Variants in S100Z observed in about 807,000 individuals in gnomAD.
S100Z encodes protein S100-Z.
In S100Z, 11 loss-of-function variants were observed where a neutral mutation model predicts 8.5. The ratio of observed to expected loss-of-function variants is 1.30; its 90% confidence interval spans 0.82 to 2.15. The LOEUF (loss-of-function observed/expected upper bound fraction) is 2.15, where lower values mean the gene tolerates loss of function less well. S100Z is among the 30% of genes most tolerant of loss of function. The pLI, the probability that S100Z is intolerant of heterozygous loss-of-function variation, is 0.00. For missense variants in S100Z, 126 were observed against 117.9 expected, an observed-to-expected ratio of 1.07 and a Z score of -0.32; for synonymous variants, 34 against 43.8, an observed-to-expected ratio of 0.78 and a Z score of 0.89.
intron 4 of S100Z, among the ~76,000 whole-genome samples, chr5:76,891,108 C>T (rs368706436): frequency 3.8e-4 from 58 of 152,262 alleles, no homozygotes; most frequent in African/African-American, 1.3e-3. Context: ...GTGATCTGCC[C>T]GCCTTGGGCT....
At chr5:76,887,703 G>A (rs1456287035) in intron 4 of S100Z, among the ~76,000 whole-genome samples, 1 of 152,106 alleles carries the variant, frequency 6.6e-6, no homozygotes, top group African/African-American at 2.4e-5. Context: ...CAGCCCAGAA[G>A]AGCCTTTCAA....
intron 2 of S100Z, among the ~76,000 whole-genome samples, chr5:76,873,378 G>C (rs59366428): frequency 0.044 from 6,594 of 149,262 alleles, 383 homozygotes; most frequent in African/African-American, 0.13. Context: ...CGTGATCTTG[G>C]CTCATTGCAA....
Position 76,877,797 on chromosome 5 carries a change from T to A in S100Z, c.265T>A (p.Tyr89Asn). 1 of 1,613,588 alleles carries A rather than the reference T, an allele frequency of 6.2e-7. No homozygotes were observed. The highest frequency in any genetic ancestry group is 1.1e-5 in the South Asian group (1 of 91,036). ...VAALTVACND[Y>N]FVEQLKKKGK is the part of the protein sequence containing the mutation. ...AGCTCTGACAGTTGCTTGTAATGAT[T>A]ACTTTGTAGAACAATTGAAGAAGAA... The change falls in exon 4 of 5, where the codon TAC becomes AAC. Residue 89 changes from tyrosine to asparagine, a missense_variant. By Grantham distance (143) the Tyr-to-Asn change is moderately radical (BLOSUM62 -2). Coordinates refer to ENST00000317593, the MANE Select transcript of S100Z (RefSeq NM_130772.4).
chr5:76,901,731 A>G (rs1744239150), intron 4 of S100Z, among the ~76,000 whole-genome samples: 1 of 152,164 alleles, frequency 6.6e-6, no homozygotes, highest in Non-Finnish European at 1.5e-5. Flanking sequence ...TGGCTGTGCA[A>G]GACAAAGTCC....
chr5:76,859,883 A>C (rs1751005986), intron 1 of S100Z, among the ~76,000 whole-genome samples: 1 of 152,146 alleles, frequency 6.6e-6, no homozygotes, highest in Non-Finnish European at 1.5e-5. Context: ...TAGCCTCTGC[A>C]ACTCTGGGAC....
chr5:76,924,371 A>G (rs984615157), downstream of S100Z, among the ~76,000 whole-genome samples: 1 of 152,106 alleles, frequency 6.6e-6, no homozygotes, highest in African/African-American at 2.4e-5. Context: ...TTTTTCTCCT[A>G]TTAATCTTCC....
the S100Z span, among the ~76,000 whole-genome samples, chr5:76,946,543 T>C: frequency 2.6e-5 from 4 of 152,182 alleles, no homozygotes; most frequent in Admixed American, 1.3e-4. Flanking sequence ...TATTTTAACT[T>C]AGTTCCCTCT....
intron 4 of S100Z, among the ~76,000 whole-genome samples, chr5:76,884,620 C>G (rs559307203): frequency 6.6e-6 from 1 of 152,276 alleles, no homozygotes; most frequent in Non-Finnish European, 1.5e-5. Flanking sequence ...GAAAAAGGAG[C>G]ATTAACGTTG....
At chr5:76,934,825 G>C in the S100Z span, among the ~76,000 whole-genome samples, 21 of 150,698 alleles carry the variant, frequency 1.4e-4, no homozygotes, top group African/African-American at 5.1e-4. Flanking sequence ...AAATTACCCA[G>C]TGTGTGGTAT....
chr5:76,874,197 C>CTTT (rs368434034), intron 2 of S100Z, among the ~76,000 whole-genome samples: 2 of 138,828 alleles, frequency 1.4e-5, no homozygotes, highest in Non-Finnish European at 1.6e-5. Context: ...AGCACTTCCT[C>CTTT]TTTTTTTTTT....
chr5:76,910,298 A>C (rs1744604008), intron 4 of S100Z, among the ~76,000 whole-genome samples: 1 of 152,208 alleles, frequency 6.6e-6, no homozygotes, highest in Admixed American at 6.5e-5. Context: ...TATCAGGAGA[A>C]AGCTCCAAAA....
intron 4 of S100Z, among the ~76,000 whole-genome samples, chr5:76,918,946 C>T (rs890847036): frequency 2.0e-5 from 3 of 152,172 alleles, no homozygotes; most frequent in African/African-American, 7.2e-5. Context: ...TTATATGGTA[C>T]CTAGCCTTTT....
chr5:76,851,850 T>A (rs1554035103), intron 1 of S100Z, among the ~76,000 whole-genome samples: 1 of 152,078 alleles, frequency 6.6e-6, no homozygotes, highest in Non-Finnish European at 1.5e-5. Flanking sequence ...GAACGAGATG[T>A]AAAGTAGAGG....
intron 4 of S100Z, among the ~76,000 whole-genome samples, chr5:76,891,304 T>C (rs1743846525): frequency 6.6e-6 from 1 of 152,226 alleles, no homozygotes; most frequent in African/African-American, 2.4e-5. Flanking sequence ...TATAGATGAA[T>C]AAACTCCACC....
At position 76,887,554 on chromosome 5, in the gene S100Z, C is replaced by T. The variant is rs141006890; in HGVS notation, c.*2+9720C>T. 2.5e-3 allele frequency among the ~76,000 whole-genome samples: 375 copies of T among 152,140 alleles called. 6 individuals are homozygous for T. The highest frequency in any genetic ancestry group is 0.017 in the Admixed American group (263 of 15,280). ...AGCTGGGATCACAGGCACACCACCA[C>T]GCCTGGCTAACTTTTGTCTTTTTAG... is the stretch of plus-strand genomic sequence containing the variant. On this transcript the variant is annotated intron_variant, in intron 4 of 4. Transcript: ENST00000317593.
At chr5:76,895,037 A>G (rs1381385328) in intron 4 of S100Z, among the ~76,000 whole-genome samples, 1 of 152,062 alleles carries the variant, frequency 6.6e-6, no homozygotes, top group African/African-American at 2.4e-5. Context: ...TATTCTTACA[A>G]ACTGTAGTGT....
At chr5:76,910,444 C>T (rs1744610753) in intron 4 of S100Z, among the ~76,000 whole-genome samples, 1 of 152,110 alleles carries the variant, frequency 6.6e-6, no homozygotes, top group African/African-American at 2.4e-5. Flanking sequence ...TAGTCATGGC[C>T]CTCACACAAA....
chr5:76,931,339 C>T, the S100Z span, among the ~76,000 whole-genome samples: 3 of 152,246 alleles, frequency 2.0e-5, no homozygotes, highest in Admixed American at 6.5e-5. Flanking sequence ...TCTTGAACTC[C>T]TGAGCTCAAG....
At chr5:76,927,130 A>C in the S100Z span, among the ~76,000 whole-genome samples, 1 of 152,250 alleles carries the variant, frequency 6.6e-6, no homozygotes, top group Admixed American at 6.5e-5. Flanking sequence ...ACTGACCCAC[A>C]AAAAGTGAAG....
Sources: gnomAD v4.1 joint callset for allele counts (sites outside exome capture counted in the v4.1 genomes callset) on GRCh38, gnomAD v4.1.1 for gene constraint, MANE v1.5 for transcripts, NCBI Gene and HGNC (gene_info 2026-07-23, HGNC 2026-07-21) for gene names.